The following GDF1 variants were observed in gnomAD, a reference collection of about 807,000 sequenced individuals.
GDF1 encodes growth differentiation factor 1, also known as embryonic growth/differentiation factor 1.
In GDF1, 8 loss-of-function variants were observed where a neutral mutation model predicts 7.4. The ratio of observed to expected loss-of-function variants is 1.09; its 90% CI spans 0.64 to 1.96. The LOEUF (loss-of-function observed/expected upper bound fraction) is 1.96, where lower values mean the gene tolerates loss of function less well. GDF1 is among the 30% of genes most tolerant of loss of function. The pLI is 0.00. For missense variants in GDF1, 574 were observed against 551.5 expected (o/e 1.04, Z -0.41); for synonymous variants, 311 against 276.7 (o/e 1.12, Z -1.23).
Position 18,893,369 on chromosome 19 carries a change from T to C in GDF1, c.-914+47A>G, listed in dbSNP as rs751173220. On this transcript the variant is annotated intron_variant, in intron 2 of 7. Transcript: ENST00000247005. ...AGCTGGGACCACAAGCCTGGCGTCT[T>C]TGTGTTTTAAGCAGAGCCCTCCCGG... The C allele has an allele frequency of 2.6e-6, 4 of 1,548,082 alleles. No individual in the cohort carries two copies. The East Asian group carries it at 7.2e-5, about 28-fold the overall frequency.
chr19:18,886,546 C>T (rs985113798), intron 2 of GDF1, among the ~76,000 whole-genome samples: 74 of 152,200 alleles, frequency 4.9e-4, no homozygotes, highest in African/African-American at 1.7e-3. Flanking sequence ...CACAGCCAGA[C>T]CCTGTCTCAA....
rs577523638 is a variant in GDF1 at position 18,868,592 on chromosome 19, C to G, written c.*5G>C. 2.0e-4 allele frequency: 310 copies of G among 1,552,424 alleles called. 4 individuals are homozygous for G. In the South Asian group the frequency reaches 3.5e-3, roughly 18 times the overall value. ...TGTTGGGCCCGCGTCCCTGCCCGCC[C>G]CGGGTTAGCGGCAGCCGCACTCGTC... On this transcript the variant is annotated 3_prime_UTR_variant, in exon 8 of 8. Coordinates refer to ENST00000247005, the MANE Select transcript of GDF1 (RefSeq NM_001492.6).
intron 3 of GDF1, among the ~76,000 whole-genome samples, chr19:18,881,221 A>ATT (rs764854215): frequency 1.2e-4 from 17 of 138,484 alleles, no homozygotes; most frequent in Non-Finnish European, 2.0e-4. Context: ...TTTTTTTTTA[A>ATT]TTTTTTTTTT....
At chr19:18,877,321 G>A (rs1330690590) in intron 6 of GDF1, among the ~76,000 whole-genome samples, 1 of 152,174 alleles carries the variant, frequency 6.6e-6, no homozygotes, top group Admixed American at 6.5e-5. Context: ...GCACCTCCGA[G>A]GATGTCCCCA....
chr19:18,880,233 G>A lies in GDF1; in HGVS notation c.-571+41C>T, dbSNP rs1601165076. ...TTTTCTGGACACACCCACCTCACCAGGCCACACCTCCCTCCCTGCCCAGCA... is the reference window on the plus strand; with the variant it reads ...TTTTCTGGACACACCCACCTCACCAAGCCACACCTCCCTCCCTGCCCAGCA... On this transcript the variant is annotated intron_variant, in intron 4 of 7. Coordinates refer to ENST00000247005, the MANE Select transcript of GDF1 (RefSeq NM_001492.6). The A allele has an allele frequency of 2.0e-6, 3 of 1,509,106 alleles. No individual in the cohort carries two copies. The East Asian group carries it at 7.5e-5, about 38-fold the overall frequency. The allele number at this position is 1,509,106 out of a possible 1,614,324, so 93.5% of individuals were successfully genotyped here.
chr19:18,893,142 T>C (rs2056535845), intron 2 of GDF1, among the ~76,000 whole-genome samples: 2 of 152,142 alleles, frequency 1.3e-5, no homozygotes, highest in Non-Finnish European at 2.9e-5. Context: ...CTCGATCTCC[T>C]AACCTCGTGA....
rs2056622144 is a variant in GDF1, at chr19:18,896,108, C to A, written c.-1358G>T. ...CGCCCGCCGTGCCCGTCGCCTGCGC[C>A]CGCCCGCGGTAGCCGACGGAGCCGC... is the stretch of plus-strand genomic sequence containing the variant. On this transcript the variant is annotated 5_prime_UTR_variant, in exon 1 of 8. Transcript: ENST00000247005. The surrounding 1 kb of genome is among the most constrained non-coding windows in gnomAD (Gnocchi z 5.9). The A allele has an allele frequency of 1.2e-6, 1 of 858,144 alleles. No individual in the cohort carries two copies. Among genetic ancestry groups the A allele is most frequent in the Non-Finnish European group, 1.4e-6 (1 of 716,678 alleles). The allele number at this position is 858,144 out of a possible 1,614,324, so 53.2% of individuals were successfully genotyped here.
At chr19:18,879,174 G>A in intron 5 of GDF1, 67 bp downstream of exon 5, 1 of 1,605,378 alleles carries the variant, frequency 6.2e-7, no homozygotes, top group Non-Finnish European at 8.5e-7. Flanking sequence ...GGGACTGCCT[G>A]AGGAGGGGAC....
rs1349040611 is a variant in GDF1, at chr19:18,868,896, C to T, written c.820G>A (p.Val274Met). Residue 274 changes from valine to methionine, a missense_variant, in exon 8 of 8, where the codon GTG becomes ATG. Val to Met is a conservative substitution (Grantham distance 21). Coordinates refer to ENST00000247005, the MANE Select transcript of GDF1 (RefSeq NM_001492.6). ...GGACRARRLY[V>M]SFREVGWHRW... ...TGCCAGCCCACCTCGCGGAAGCTCA[C>T]GTACAGCCGCCGCGCGCGACAAGCG... is the stretch of plus-strand genomic sequence containing the variant. 8.5e-6 allele frequency: 12 copies of T among 1,412,716 alleles called. No individual in the cohort carries two copies. Among genetic ancestry groups the T allele is most frequent in the African/African-American group, 3.1e-5 (2 of 65,502 alleles). 87.5% of individuals were successfully genotyped at this position (1,412,716 alleles called of 1,614,324 possible).
intron 6 of GDF1, among the ~76,000 whole-genome samples, chr19:18,875,388 C>G (rs1362475458): frequency 1.3e-5 from 2 of 151,806 alleles, no homozygotes; most frequent in Non-Finnish European, 2.9e-5. Context: ...TGTAAAAATA[C>G]AAAAATTAGC....
In GDF1 at chr19:18,877,756, CA is replaced by C. The variant is rs386388683; in HGVS notation, c.-313+1173del. On this transcript the variant is annotated intron_variant, in intron 6 of 7. Transcript: ENST00000247005. ...TGGACGACAGAGTGAGACCCTGTCT[CA>C]AAAAAAAAAAAAAAAAAGAATTCTT... Among the ~76,000 whole-genome samples, 209 of 103,966 alleles carry C rather than the reference CA, an allele frequency of 2.0e-3. 3 individuals are homozygous for C. The East Asian group carries it at 0.022, about 11-fold the overall frequency. 68.2% of individuals were successfully genotyped at this position (103,966 alleles called of 152,430 possible). A position where few individuals can be genotyped will look rare whatever the true frequency, so the allele number is the denominator to read the frequency against.
At position 18,878,827 on chromosome 19, in the gene GDF1, G is replaced by A. The variant is rs541139774; in HGVS notation, c.-313+103C>T. On this transcript the variant is annotated intron_variant, in intron 6 of 7. Transcript: ENST00000247005. The surrounding 1 kb of genome is among the most constrained non-coding windows in gnomAD (Gnocchi z 4.6). ...AGTAGGCTTGGGGGGCAGCATCCGC[G>A]TCGGCCTCATCTGCTGCTGGGTCTT... is the stretch of plus-strand genomic sequence containing the variant. 2.8e-5 allele frequency: 43 copies of A among 1,516,626 alleles called. No individual in the cohort carries two copies. In the South Asian group the frequency reaches 3.3e-4, roughly 12 times the overall value. The allele number at this position is 1,516,626 out of a possible 1,614,324, so 93.9% of individuals were successfully genotyped here.
At chr19:18,872,794 C>T (rs921176864) in intron 6 of GDF1, among the ~76,000 whole-genome samples, 58 of 150,962 alleles carry the variant, frequency 3.8e-4, no homozygotes, top group African/African-American at 1.2e-3. Context: ...GGATTACAGG[C>T]GTGAGCGCCG....
In GDF1 at chr19:18,878,076, C is replaced by T. The variant is rs771335059; in HGVS notation, c.-313+854G>A. On this transcript the variant is annotated intron_variant, in intron 6 of 7. Transcript: ENST00000247005. This position sits in a 1 kb window ranked among gnomAD's most constrained non-coding sequence, Gnocchi z 4.6. ...GCACCTCCCGTTCCAAAAAACGTCA[C>T]GGAGCTCTGAGCCACTGCTTCCCTG... 47 of 985,406 alleles carry T rather than the reference C, an allele frequency of 4.8e-5. No individual in the cohort carries two copies. The African/African-American group carries it at 7.0e-4, about 15-fold the overall frequency. 61.0% of individuals were successfully genotyped at this position (985,406 alleles called of 1,614,324 possible).
chr19:18,888,177 T>C (rs1166995496), intron 2 of GDF1, among the ~76,000 whole-genome samples: 1 of 151,972 alleles, frequency 6.6e-6, no homozygotes, highest in East Asian at 1.9e-4. Flanking sequence ...CTGGCCAACA[T>C]GGTGAAACCC....
intron 1 of GDF1, among the ~76,000 whole-genome samples, chr19:18,894,306 A>G (rs1355858486): frequency 6.6e-6 from 1 of 151,798 alleles, no homozygotes; most frequent in East Asian, 1.9e-4. Context: ...CCACCCCTGG[A>G]CAAGTCCCAC....
chr19:18,868,631 T>C lies in GDF1; in HGVS notation c.1085A>G (p.Glu362Gly). 1 of 1,573,504 alleles carries C rather than the reference T, an allele frequency of 6.4e-7. No individual in the cohort carries two copies. Among genetic ancestry groups the C allele is most frequent in the Non-Finnish European group, 8.6e-7 (1 of 1,159,686 alleles). The change falls in exon 8 of 8, where the codon GAG becomes GGG. Residue 362 changes from glutamate (E) to glycine (G), a missense_variant. Coordinates refer to ENST00000247005, the MANE Select transcript of GDF1 (RefSeq NM_001492.6). ...GCCGCACTCGTCCACCACCATGTCC[T>C]CATACTGCCGCAGCACCACGTTGTC... ...NSDNVVLRQY[E>G]DMVVDECGCR
In GDF1 at chr19:18,868,948, T is replaced by C. The variant is rs2055906927; in HGVS notation, c.768A>G (p.Glu256=). The stretch of plus-strand genomic sequence containing the variant: ...CCCCGGGGCCGCCGCCCAACACGGG[T>C]TCGGCGTCGCGCCGCGGCCGGGCCA... ...HPLARPRRDA[E]PVLGGGPGGA... is the part of the protein sequence containing the mutation. Residue 256 remains glutamate, a synonymous_variant, in exon 8 of 8, where the codon GAA becomes GAG. Coordinates refer to ENST00000247005, the MANE Select transcript of GDF1 (RefSeq NM_001492.6). 2 of 1,223,784 alleles carry C rather than the reference T, an allele frequency of 1.6e-6. No homozygotes were observed. Among genetic ancestry groups the C allele is most frequent in the Admixed American group, 4.7e-5 (1 of 21,272 alleles). The allele number at this position is 1,223,784 out of a possible 1,614,324, so 75.8% of individuals were successfully genotyped here.
chr19:18,888,685 C>T (rs1208138213), intron 2 of GDF1, among the ~76,000 whole-genome samples: 1 of 151,242 alleles, frequency 6.6e-6, no homozygotes, highest in Non-Finnish European at 1.5e-5. Flanking sequence ...ACAAAATTAG[C>T]CGGGTGTGGT....
Sources: gnomAD v4.1 joint callset for allele counts (sites outside exome capture counted in the v4.1 genomes callset) on GRCh38, gnomAD v4.1.1 for gene constraint, Gnocchi (gnomAD v3.1) non-coding constraint, MANE v1.5 for transcripts, NCBI Gene and HGNC (gene_info 2026-07-23, HGNC 2026-07-21) for gene names.